The following HECTD4 variants were observed in gnomAD, a reference collection of about 807,000 sequenced individuals.
HECTD4 encodes probable E3 ubiquitin-protein ligase HECTD4.
In HECTD4, 114 loss-of-function variants were observed where a neutral mutation model predicts 471.5. That is an observed-to-expected ratio of 0.24 (90% CI 0.21 to 0.28). The LOEUF (loss-of-function observed/expected upper bound fraction) is 0.28. Ranked by LOEUF, HECTD4 falls within the 10% of genes least tolerant of loss-of-function variation. The pLI, the probability that HECTD4 is intolerant of heterozygous loss-of-function variation, is 1.00. For synonymous variants in HECTD4, 2,012 were observed against 2,256.0 expected (o/e 0.89, Z 3.07); for missense variants, 3,866 against 5,651.5 (o/e 0.68, Z 10.13).
chr12:112,214,368 T>C, intron 48 of HECTD4, among the ~76,000 whole-genome samples: 1 of 152,232 alleles, frequency 6.6e-6, no homozygotes, highest in East Asian at 1.9e-4. Context: ...GAGTCTCCTA[T>C]GGCTTAGGTA....
rs1223553562 is a variant in HECTD4, at chr12:112,163,827, C to A, written c.12702-90G>T. 24 of 1,227,190 alleles carry A rather than the reference C, an allele frequency of 2.0e-5. No homozygotes were observed. Among genetic ancestry groups the A allele is most frequent in the African/African-American group, 4.7e-5 (3 of 64,388 alleles). 76.0% of individuals were successfully genotyped at this position (1,227,190 alleles called of 1,614,324 possible). A position where few individuals can be genotyped will look rare whatever the true frequency, so the allele number is the denominator to read the frequency against. Reference sequence around the variant, plus strand: ...CCCACTCAGCTGGAGGTCCCGGATCCTCTCTTGGGAGAGGCCTGGGGCCCA... The same window carrying A: ...CCCACTCAGCTGGAGGTCCCGGATCATCTCTTGGGAGAGGCCTGGGGCCCA... On this transcript the variant is annotated intron_variant, in intron 73 of 75. Coordinates refer to ENST00000682272, the MANE Select transcript of HECTD4 (RefSeq NM_001388303.1). This position sits in a 1 kb window ranked among gnomAD's most constrained non-coding sequence, Gnocchi z 8.2.
chr12:112,225,184 C>A (rs771729722), intron 44 of HECTD4, among the ~76,000 whole-genome samples: 1 of 151,828 alleles, frequency 6.6e-6, no homozygotes, highest in Non-Finnish European at 1.5e-5. Flanking sequence ...AAAACGGATA[C>A]AGACAAATTT....
chr12:112,363,563 T>C (rs2036497711), intron 1 of HECTD4, among the ~76,000 whole-genome samples: 1 of 152,248 alleles, frequency 6.6e-6, no homozygotes, highest in African/African-American at 2.4e-5. Context: ...AAGTCATTAA[T>C]ATTTTTAGAA....
intron 54 of HECTD4, 90 bp from the exon 55 acceptor site, chr12:112,200,888 T>TGTGTGTGCGTGCGTGC: frequency 2.7e-6 from 1 of 366,724 alleles, no homozygotes; most frequent in South Asian, 4.6e-5. Flanking sequence ...TGCGTGCGTG[T>TGTGTGTGCGTGCGTGC]GTGTGTGTGT....
chr12:112,258,246 C>T (rs565728656), intron 20 of HECTD4: 1 of 305,482 alleles, frequency 3.3e-6, no homozygotes, highest in African/African-American at 2.2e-5. Context: ...TATTTTACAT[C>T]CCCACTATTA....
chr12:112,230,511 T>C (rs904105856), intron 40 of HECTD4, among the ~76,000 whole-genome samples, 176 bp downstream of exon 40: 1 of 152,220 alleles, frequency 6.6e-6, no homozygotes, highest in African/African-American at 2.4e-5. Context: ...ACAGGTGATA[T>C]AGGTTAACAG....
chr12:112,261,325 G>A lies in HECTD4; in HGVS notation c.2853C>T (p.Asp951=). The stretch of plus-strand genomic sequence containing the variant: ...CTCACCTCTGCTCACGGTCTGCTAT[G>A]TCACTATTTATGAGGGCAGTTGTGA... ...QQVTTALINS[D]IADREQRLKG... The change falls in exon 18 of 76, where the codon GAC becomes GAT. Residue 951 remains aspartate (D), a synonymous_variant. Transcript: ENST00000682272. 1 of 1,605,494 alleles carries A rather than the reference G, an allele frequency of 6.2e-7. No individual in the cohort carries two copies. The highest frequency in any genetic ancestry group is 8.5e-7 in the Non-Finnish European group (1 of 1,172,918).
intron 54 of HECTD4, 90 bp from the exon 55 acceptor site, chr12:112,200,888 T>A: frequency 2.7e-6 from 1 of 366,726 alleles, no homozygotes; most frequent in South Asian, 4.6e-5. Flanking sequence ...TGCGTGCGTG[T>A]GTGTGTGTGT....
At position 112,163,701 on chromosome 12, in the gene HECTD4, C is replaced by T; in HGVS notation, c.12738G>A (p.Arg4246=). ...ENKDIYAAAI[R]SLRLRELQNV... ...TCTGCAGCTCCCGCAGCCGCAGGCT[C>T]CGGATGGCTGCCGCGTAGATGTCCT... is the stretch of plus-strand genomic sequence containing the variant. The change falls in exon 74 of 76, where the codon CGG becomes CGA. Residue 4246 remains arginine (R), a synonymous_variant. Coordinates refer to ENST00000682272, the MANE Select transcript of HECTD4 (RefSeq NM_001388303.1). This position sits in a 1 kb window ranked among gnomAD's most constrained non-coding sequence, Gnocchi z 8.2. The T allele has an allele frequency of 6.6e-7, 1 of 1,512,056 alleles. No homozygotes were observed. The highest frequency in any genetic ancestry group is 8.9e-7 in the Non-Finnish European group (1 of 1,129,384). The allele number at this position is 1,512,056 out of a possible 1,614,324, so 93.7% of individuals were successfully genotyped here. A position where few individuals can be genotyped will look rare whatever the true frequency, so the allele number is the denominator to read the frequency against.
In HECTD4 at chr12:112,351,087, G is replaced by C. The variant is rs2036241904; in HGVS notation, c.177+30865C>G. 6.6e-5 allele frequency among the ~76,000 whole-genome samples: 10 copies of C among 152,282 alleles called. No homozygotes were observed. In the South Asian group the frequency reaches 2.1e-3, roughly 32 times the overall value. On this transcript the variant is annotated intron_variant, in intron 1 of 75. Transcript: ENST00000682272. Reference sequence around the variant, plus strand: ...ATATTCTACAGAGGAAGACATGTTTGGTTTGGGTAAGGGTTTATTTCCCAT... The same window carrying C: ...ATATTCTACAGAGGAAGACATGTTTCGTTTGGGTAAGGGTTTATTTCCCAT...
At position 112,213,858 on chromosome 12, in the gene HECTD4, C is replaced by T. The variant is rs576127628; in HGVS notation, c.7466-1208G>A. The stretch of plus-strand genomic sequence containing the variant: ...GCAACACAGTGAGACCTCGTCTCTA[C>T]AAAAAATACAGAAATTAGTCAGGCA... On this transcript the variant is annotated intron_variant, in intron 48 of 75. Transcript: ENST00000682272. The surrounding 1 kb of genome is among the most constrained non-coding windows in gnomAD (Gnocchi z 4.0). Among the ~76,000 whole-genome samples, 7 of 151,378 alleles carry T rather than the reference C, an allele frequency of 4.6e-5. No homozygotes were observed. Among genetic ancestry groups the T allele is most frequent in the African/African-American group, 1.7e-4 (7 of 41,266 alleles).
chr12:112,169,054 G>A (rs918404839), intron 70 of HECTD4, among the ~76,000 whole-genome samples: 5 of 152,242 alleles, frequency 3.3e-5, no homozygotes, highest in Admixed American at 2.0e-4. Context: ...CATCTGCAGT[G>A]GACACGTTTC....
intron 7 of HECTD4, among the ~76,000 whole-genome samples, chr12:112,299,559 G>A (rs1278244582): frequency 6.6e-6 from 1 of 152,108 alleles, no homozygotes; most frequent in Non-Finnish European, 1.5e-5. Flanking sequence ...GGAGTCTGAG[G>A]CTGCAGTGAG....
chr12:112,198,027 G>C (rs565833773), intron 55 of HECTD4, among the ~76,000 whole-genome samples: 1 of 152,188 alleles, frequency 6.6e-6, no homozygotes, highest in African/African-American at 2.4e-5. Flanking sequence ...GTAGAGATGG[G>C]GTTTCACCTG....
chr12:112,167,275 C>G, intron 72 of HECTD4, 42 bp downstream of exon 72: 1 of 1,539,336 alleles, frequency 6.5e-7, no homozygotes, highest in Non-Finnish European at 8.8e-7. Flanking sequence ...GGCGGGGAGG[C>G]CCCGGGTTCT....
chr12:112,274,634 G>A (rs2034487240), intron 10 of HECTD4, among the ~76,000 whole-genome samples: 7 of 152,152 alleles, frequency 4.6e-5, no homozygotes. Flanking sequence ...TTGAGCCCAG[G>A]AGGTAGAGGC....
At chr12:112,304,568 C>A (rs1441412349) in intron 7 of HECTD4, among the ~76,000 whole-genome samples, 1 of 152,030 alleles carries the variant, frequency 6.6e-6, no homozygotes, top group Non-Finnish European at 1.5e-5. Context: ...TCAAGAGATC[C>A]TCCCATCTCA....
intron 1 of HECTD4, among the ~76,000 whole-genome samples, chr12:112,341,335 C>T (rs1184810291): frequency 6.6e-6 from 1 of 152,156 alleles, no homozygotes; most frequent in Non-Finnish European, 1.5e-5. Flanking sequence ...ACTTCTGACC[C>T]TTCACCTTTT....
chr12:112,165,048 G>A (rs1355999031), intron 72 of HECTD4, among the ~76,000 whole-genome samples: 1 of 150,820 alleles, frequency 6.6e-6, no homozygotes, highest in Non-Finnish European at 1.5e-5. Context: ...AGGCTCCCGA[G>A]TAGCTGGGAT....
Sources: allele counts gnomAD v4.1 joint callset (sites outside exome capture counted in the v4.1 genomes callset), GRCh38; gene constraint gnomAD v4.1.1; non-coding constraint Gnocchi (gnomAD v3.1); transcripts MANE v1.5; gene names NCBI Gene and HGNC (gene_info 2026-07-23, HGNC 2026-07-21).